RIMKLA: variants seen among roughly 807,000 people sequenced by gnomAD.
The protein encoded by RIMKLA is ribosomal modification protein rimK like family member A, also known as N-acetylaspartylglutamate synthase A.
Under a neutral mutation model 32.7 loss-of-function variants are expected in RIMKLA, and 14 were observed. That is an observed-to-expected ratio of 0.43 (90% confidence interval 0.28 to 0.67). The LOEUF (loss-of-function observed/expected upper bound fraction) is 0.67. Among genes scored for constraint, RIMKLA ranks in the 30% least tolerant of loss-of-function variants. The probability of loss-of-function intolerance (pLI) is 0.18; values close to 1 mark genes in which losing one functional copy is unlikely to be tolerated. For missense variants in RIMKLA, 410 were observed against 519.0 expected (o/e 0.79, Z 2.04); for synonymous variants, 176 against 204.1 (o/e 0.86, Z 1.18).
At chr1:42,396,980 TGTAA>T (rs1316765146) in intron 1 of RIMKLA, among the ~76,000 whole-genome samples, 1 of 151,648 alleles carries the variant, frequency 6.6e-6, no homozygotes, top group African/African-American at 2.4e-5. Context: ...CCCCAAGGGC[TGTAA>T]GTGTCAAAGG....
rs1643234524 is a variant in RIMKLA at position 42,415,074 on chromosome 1, C to G, written c.*100C>G. 1.5e-6 allele frequency: 2 copies of G among 1,293,190 alleles called. No homozygotes were observed. Among genetic ancestry groups the G allele is most frequent in the Non-Finnish European group, 2.1e-6 (2 of 946,246 alleles). The allele number at this position is 1,293,190 out of a possible 1,614,324, so 80.1% of individuals were successfully genotyped here. Reference sequence around the variant, plus strand: ...TAATGTGATTTCATTTGCACAGAAACTAGAAATCCCATCTGGGCACTCAGC... The same window carrying G: ...TAATGTGATTTCATTTGCACAGAAAGTAGAAATCCCATCTGGGCACTCAGC... On this transcript the variant is annotated 3_prime_UTR_variant, in exon 5 of 5. Coordinates refer to ENST00000431473, the MANE Select transcript of RIMKLA (RefSeq NM_173642.4).
Position 42,381,004 on chromosome 1 carries a change from C to T in RIMKLA, c.70C>T (p.Arg24Cys). The T allele has an allele frequency of 7.0e-7, 1 of 1,437,840 alleles. No homozygotes were observed. The highest frequency in any genetic ancestry group is 9.1e-7 in the Non-Finnish European group (1 of 1,094,734). 89.1% of individuals were successfully genotyped at this position (1,437,840 alleles called of 1,614,324 possible). ...GGACTACCCGCAGGTGCAGATCCTG[C>T]GCGCCCTCCGGCAGCGCTGCTCCGA... ...REDYPQVQIL[R>C]ALRQRCSEQD... The change falls in exon 1 of 5, where the codon CGC becomes TGC. Residue 24 changes from arginine to cysteine, a missense_variant. Physicochemically the swap from Arg to Cys is radical, Grantham distance 180 (BLOSUM62 -3). Coordinates refer to ENST00000431473, the MANE Select transcript of RIMKLA (RefSeq NM_173642.4).
rs1643303209 is a variant in RIMKLA, at chr1:42,422,410, G to A, written c.*7436G>A. ...GACTGTAGCTTTTCCTGCCTAACTGGCAAAATGAAAATATGCTGAAAAGAA... is the reference window on the plus strand; with the variant it reads ...GACTGTAGCTTTTCCTGCCTAACTGACAAAATGAAAATATGCTGAAAAGAA... On this transcript the variant is annotated 3_prime_UTR_variant, in exon 5 of 5. Transcript: ENST00000431473. The A allele has an allele frequency of 6.6e-6, 1 of 152,174 alleles. No individual in the cohort carries two copies. Among genetic ancestry groups the A allele is most frequent in the African/African-American group, 2.4e-5 (1 of 41,432 alleles). The allele number at this position is 152,174 out of a possible 1,614,324, so 9.4% of individuals were successfully genotyped here. A position where few individuals can be genotyped will look rare whatever the true frequency, so the allele number is the denominator to read the frequency against.
intron 1 of RIMKLA, among the ~76,000 whole-genome samples, chr1:42,384,239 CAG>C (rs959108472): frequency 6.6e-6 from 1 of 152,044 alleles, no homozygotes; most frequent in African/African-American, 2.4e-5. Context: ...GAGTGGGAGA[CAG>C]TGGAGAAAGG....
At chr1:42,382,779 G>C (rs373910407) in intron 1 of RIMKLA, among the ~76,000 whole-genome samples, 1 of 152,236 alleles carries the variant, frequency 6.6e-6, no homozygotes, top group East Asian at 1.9e-4. Context: ...GAAACACTCA[G>C]ACCCTTTTGT....
intron 3 of RIMKLA, among the ~76,000 whole-genome samples, chr1:42,407,950 C>T (rs1407657256): frequency 6.6e-6 from 1 of 152,126 alleles, no homozygotes; most frequent in Non-Finnish European, 1.5e-5. Flanking sequence ...CATATTAGAA[C>T]TTCTGTACCC....
chr1:42,396,475 C>G (rs1301199655), intron 1 of RIMKLA: 1 of 152,104 alleles, frequency 6.6e-6, no homozygotes, highest in African/African-American at 2.4e-5. Flanking sequence ...AAAGATTTAC[C>G]TTTGGAGAAG....
intron 1 of RIMKLA, among the ~76,000 whole-genome samples, chr1:42,394,734 T>C (rs968609163): frequency 6.6e-6 from 1 of 151,512 alleles, no homozygotes; most frequent in Admixed American, 6.6e-5. Context: ...AGTCCAGTTA[T>C]GAAGATTTTT....
chr1:42,383,935 C>G (rs1345725681), intron 1 of RIMKLA, among the ~76,000 whole-genome samples: 3 of 152,208 alleles, frequency 2.0e-5, no homozygotes, highest in African/African-American at 7.2e-5. Flanking sequence ...TAGACAGTGA[C>G]TTTGCAATGT....
At chr1:42,405,224 G>C (rs1889696) in intron 3 of RIMKLA, among the ~76,000 whole-genome samples, 88,560 of 152,036 alleles carry the variant, frequency 0.58, 26,207 homozygotes, top group Middle Eastern at 0.63. Context: ...CTCCCTCCCT[G>C]TCTTCCAGAC....
At chr1:42,386,783 G>T (rs1272081301) in intron 1 of RIMKLA, among the ~76,000 whole-genome samples, 1 of 151,794 alleles carries the variant, frequency 6.6e-6, no homozygotes, top group Non-Finnish European at 1.5e-5. Flanking sequence ...TACTCGGGAG[G>T]CTGAGGTGGG....
intron 2 of RIMKLA, among the ~76,000 whole-genome samples, chr1:42,402,394 CAGAAG>C: frequency 1.3e-5 from 2 of 152,182 alleles, no homozygotes; most frequent in Middle Eastern, 3.4e-3. Flanking sequence ...AACAGGAAAT[CAGAAG>C]AGAGAGTCAG....
intron 1 of RIMKLA, among the ~76,000 whole-genome samples, chr1:42,388,202 G>A (rs1485435645): frequency 6.6e-6 from 1 of 152,068 alleles, no homozygotes; most frequent in Non-Finnish European, 1.5e-5. Context: ...GGAATCCACT[G>A]AAGGATATTT....
chr1:42,414,285 CAG>C (rs1643226673), intron 4 of RIMKLA, among the ~76,000 whole-genome samples, 197 bp from the exon 5 acceptor site: 1 of 152,038 alleles, frequency 6.6e-6, no homozygotes, highest in Admixed American at 6.5e-5. Context: ...ATGGCTGAGT[CAG>C]AGGAAATCAG....
chr1:42,414,381 C>G (rs145239516), intron 4 of RIMKLA, 103 bp from the exon 5 acceptor site: 1 of 1,200,810 alleles, frequency 8.3e-7, no homozygotes, highest in Non-Finnish European at 1.2e-6. Flanking sequence ...GATTAATGAT[C>G]GAGCCTCTCT....
At chr1:42,403,732 G>A (rs749589033) in intron 2 of RIMKLA, among the ~76,000 whole-genome samples, 4 of 152,134 alleles carry the variant, frequency 2.6e-5, no homozygotes, top group African/African-American at 7.2e-5. Context: ...TGATTACCTC[G>A]TAGTTTCTGT....
At chr1:42,381,685 C>T (rs2148380515) in intron 1 of RIMKLA, among the ~76,000 whole-genome samples, 1 of 152,254 alleles carries the variant, frequency 6.6e-6, no homozygotes, top group East Asian at 1.9e-4. Context: ...TCCCTAGCAG[C>T]GTTGAATTCT....
In RIMKLA at chr1:42,422,382, G is replaced by C. The variant is rs1643302896; in HGVS notation, c.*7408G>C. 1.3e-5 allele frequency: 2 copies of C among 152,230 alleles called. No homozygotes were observed. Among genetic ancestry groups the C allele is most frequent in the Non-Finnish European group, 2.9e-5 (2 of 68,042 alleles). 9.4% of individuals were successfully genotyped at this position (152,230 alleles called of 1,614,324 possible). A position where few individuals can be genotyped will look rare whatever the true frequency, so the allele number is the denominator to read the frequency against. ...GTTCAGCTAAATTCCCTCCAGGAAA[G>C]TGGACTGTAGCTTTTCCTGCCTAAC... On this transcript the variant is annotated 3_prime_UTR_variant, in exon 5 of 5. Transcript: ENST00000431473.
intron 1 of RIMKLA, among the ~76,000 whole-genome samples, chr1:42,385,391 C>T (rs561232719): frequency 2.4e-4 from 36 of 152,232 alleles, no homozygotes; most frequent in African/African-American, 7.7e-4. Context: ...CAGATACCCA[C>T]CAAGACATAT....
Sources: allele counts gnomAD v4.1 joint callset (sites outside exome capture counted in the v4.1 genomes callset), GRCh38; gene constraint gnomAD v4.1.1; transcripts MANE v1.5; gene names NCBI Gene and HGNC (gene_info 2026-07-23, HGNC 2026-07-21).